SUMF1: variants seen among roughly 807,000 people sequenced by gnomAD.
The protein encoded by SUMF1 is sulfatase modifying factor 1, also known as formylglycine-generating enzyme.
Under a neutral mutation model 47.6 loss-of-function variants are expected in SUMF1, and 48 were observed. The observed-to-expected ratio is 1.01, with a 90% CI of 0.80 to 1.28. SUMF1 has a LOEUF of 1.28. SUMF1 is among the 50% of genes most tolerant of loss of function. The pLI, the probability that SUMF1 is intolerant of heterozygous loss-of-function variation, is 0.00. For missense variants in SUMF1, 571 were observed against 485.4 expected, an observed-to-expected ratio of 1.18 and a Z score of -1.66; for synonymous variants, 230 against 192.1, an observed-to-expected ratio of 1.20 and a Z score of -1.63.
intron 1 of SUMF1, among the ~76,000 whole-genome samples, chr3:4,456,978 GTATA>G (rs750647688): frequency 1.6e-5 from 2 of 126,118 alleles, no homozygotes; most frequent in East Asian, 2.6e-4. Flanking sequence ...ATACGTGTGT[GTATA>G]TATATATACG....
rs1246001784 is a variant in SUMF1, at chr3:4,417,480, A to G, written c.726-238T>C. On this transcript the variant is annotated intron_variant, in intron 5 of 8. Transcript: ENST00000272902. The stretch of plus-strand genomic sequence containing the variant: ...CCCAGGTACTCAGGAGGCCTGAAAT[A>G]AATCACAAAACTAAAAGAAGGACTT... Among the ~76,000 whole-genome samples, 6 of 152,340 alleles carry G rather than the reference A, an allele frequency of 3.9e-5. No individual in the cohort carries two copies. The East Asian group carries it at 1.2e-3, about 29-fold the overall frequency.
chr3:4,313,955 T>A, intron 8 of SUMF1: 1 of 992,054 alleles, frequency 1.0e-6, no homozygotes, highest in Non-Finnish European at 1.4e-6. Flanking sequence ...CCCAGAATAC[T>A]CACTTTCCTA....
chr3:4,194,948 C>T (rs1225787434), intron 8 of SUMF1, among the ~76,000 whole-genome samples: 1 of 152,086 alleles, frequency 6.6e-6, no homozygotes, highest in Non-Finnish European at 1.5e-5. Flanking sequence ...CAATTAAATG[C>T]TAAAGGCTGT....
chr3:4,290,028 A>T (rs535590804), intron 8 of SUMF1, among the ~76,000 whole-genome samples: 2 of 152,234 alleles, frequency 1.3e-5, no homozygotes, highest in East Asian at 3.8e-4. Flanking sequence ...CAAATCACAC[A>T]TGGCATAATG....
intron 7 of SUMF1, among the ~76,000 whole-genome samples, chr3:4,406,553 G>A (rs1326729217): frequency 1.3e-5 from 2 of 152,134 alleles, no homozygotes; most frequent in South Asian, 2.1e-4. Flanking sequence ...CCAGCTATTC[G>A]GGAGGCTGAG....
At chr3:4,288,698 A>T (rs1306869093) in intron 8 of SUMF1, among the ~76,000 whole-genome samples, 1 of 151,940 alleles carries the variant, frequency 6.6e-6, no homozygotes, top group Non-Finnish European at 1.5e-5. Flanking sequence ...CTCAGAGTGG[A>T]GGCTGAGGCA....
intron 8 of SUMF1, among the ~76,000 whole-genome samples, chr3:4,239,268 G>C (rs1271983239): frequency 6.6e-6 from 1 of 151,902 alleles, no homozygotes; most frequent in Non-Finnish European, 1.5e-5. Context: ...GTTCTTTTTT[G>C]GTTCCATGTG....
At chr3:4,215,435 A>G (rs1695900678) in intron 8 of SUMF1, among the ~76,000 whole-genome samples, 1 of 152,212 alleles carries the variant, frequency 6.6e-6, no homozygotes, top group Non-Finnish European at 1.5e-5. Context: ...CACAGCCAAT[A>G]TCATACTGAA....
intron 9 of SUMF1, among the ~76,000 whole-genome samples, chr3:4,053,299 C>T (rs933754257): frequency 3.4e-4 from 52 of 152,158 alleles, no homozygotes; most frequent in African/African-American, 1.2e-3. Context: ...TGGTTCGTGG[C>T]ACCCCAAAAC....
At chr3:4,109,095 C>G (rs923690980) in intron 8 of SUMF1, among the ~76,000 whole-genome samples, 6 of 152,196 alleles carry the variant, frequency 3.9e-5, no homozygotes, top group Non-Finnish European at 5.9e-5. Context: ...GTGCTTCCTT[C>G]AGGAGCTCTT....
At chr3:4,078,666 G>A (rs1314998727) in intron 8 of SUMF1, among the ~76,000 whole-genome samples, 4 of 151,908 alleles carry the variant, frequency 2.6e-5, no homozygotes, top group Admixed American at 6.6e-5. Flanking sequence ...GCCACAGCAG[G>A]AGAATCACTT....
intron 8 of SUMF1, among the ~76,000 whole-genome samples, chr3:4,308,581 T>G (rs1698283189): frequency 6.6e-6 from 1 of 152,216 alleles, no homozygotes; most frequent in Non-Finnish European, 1.5e-5. Context: ...ATTATCCTTG[T>G]CTTATAGCTA....
Position 4,267,315 on chromosome 3 carries a change from T to C in SUMF1, c.1014+109015A>G, listed in dbSNP as rs577632814. On this transcript the variant is annotated intron_variant and NMD_transcript_variant, in intron 8 of 12. Coordinates refer to the SUMF1 transcript ENST00000448413. ...AGAAGGAATGGTACCAGTTCCTCCCTGTACCTCTGGTAGAATTCGGCTGTG... is the reference window on the plus strand; with the variant it reads ...AGAAGGAATGGTACCAGTTCCTCCCCGTACCTCTGGTAGAATTCGGCTGTG... 6.2e-3 allele frequency among the ~76,000 whole-genome samples: 947 copies of C among 152,310 alleles called. 5 individuals carry two copies. Among genetic ancestry groups the C allele is most frequent in the African/African-American group, 0.018 (737 of 41,560 alleles).
chr3:4,152,428 C>T (rs1694356461), intron 8 of SUMF1, among the ~76,000 whole-genome samples: 2 of 151,276 alleles, frequency 1.3e-5, no homozygotes, highest in African/African-American at 4.9e-5. Context: ...GCTAGAACTA[C>T]AGGCACAGGC....
intron 8 of SUMF1, among the ~76,000 whole-genome samples, chr3:4,213,773 A>C (rs746479423): frequency 2.2e-4 from 34 of 152,202 alleles, no homozygotes; most frequent in Non-Finnish European, 5.0e-4. Flanking sequence ...GTCTCTGATA[A>C]AACAGACTTT....
At chr3:4,306,323 T>C (rs1259742417) in intron 8 of SUMF1, among the ~76,000 whole-genome samples, 2 of 152,224 alleles carry the variant, frequency 1.3e-5, no homozygotes, top group Non-Finnish European at 2.9e-5. Context: ...TTAGAATCAT[T>C]GTAATCATTA....
intron 6 of SUMF1, among the ~76,000 whole-genome samples, chr3:4,411,783 T>C (rs1286563346): frequency 1.3e-5 from 2 of 152,006 alleles, no homozygotes; most frequent in African/African-American, 2.4e-5. Context: ...TTAACATTTT[T>C]CCCAACATTT....
chr3:4,443,138 C>T (rs867678335), intron 3 of SUMF1, among the ~76,000 whole-genome samples: 23 of 151,872 alleles, frequency 1.5e-4, no homozygotes, highest in East Asian at 7.7e-4. Flanking sequence ...ATTAGCCGGG[C>T]GTGGTGGCGG....
exon 9 of SUMF1, chr3:4,068,731 A>T (rs1277067401): frequency 4.6e-6 from 2 of 431,606 alleles, no homozygotes; most frequent in African/African-American, 2.0e-5. Flanking sequence ...AATAGGGATC[A>T]TAGTACTCTT....
Sources: allele counts gnomAD v4.1 joint callset (sites outside exome capture counted in the v4.1 genomes callset), GRCh38; gene constraint gnomAD v4.1.1; transcripts MANE v1.5; gene names NCBI Gene and HGNC (gene_info 2026-07-23, HGNC 2026-07-21).